The following TOR1B variants were observed in gnomAD, a reference collection of about 807,000 sequenced individuals.
The protein encoded by TOR1B is torsin family 1 member B, also known as torsin-1B.
In TOR1B, 14 loss-of-function variants were observed where a neutral mutation model predicts 29.2. That is an observed-to-expected ratio of 0.48 (90% CI 0.32 to 0.75). The LOEUF is 0.75. Among genes scored for constraint, TOR1B ranks in the 30% least tolerant of loss-of-function variants. The probability of loss-of-function intolerance (pLI) is 0.04; values close to 1 mark genes in which losing one functional copy is unlikely to be tolerated. For missense variants in TOR1B, 400 were observed against 433.9 expected, an observed-to-expected ratio of 0.92 and a Z score of 0.69; for synonymous variants, 166 against 179.8, an observed-to-expected ratio of 0.92 and a Z score of 0.62.
chr9:129,803,543 G>C (rs2030292910), intron 1 of TOR1B, 132 bp downstream of exon 1: 1 of 1,077,140 alleles, frequency 9.3e-7, no homozygotes, highest in African/African-American at 1.7e-5. Context: ...TCCCAGCTGG[G>C]GTGGGCGGGG....
intron 2 of TOR1B, 144 bp downstream of exon 2, chr9:129,804,482 A>C (rs1331651492): frequency 2.9e-6 from 3 of 1,028,686 alleles, no homozygotes; most frequent in African/African-American, 1.6e-5. Flanking sequence ...TAGTCCAGGT[A>C]GTTACAAAGC....
intron 3 of TOR1B, among the ~76,000 whole-genome samples, chr9:129,807,928 T>A (rs2030602246): frequency 6.6e-6 from 1 of 151,894 alleles, no homozygotes; most frequent in Non-Finnish European, 1.5e-5. Flanking sequence ...TCCCAGCTCC[T>A]GGGGAAGTCG....
chr9:129,807,810 C>T (rs554683911), intron 3 of TOR1B, among the ~76,000 whole-genome samples: 2 of 150,582 alleles, frequency 1.3e-5, no homozygotes, highest in African/African-American at 2.4e-5. Flanking sequence ...CACACCACTG[C>T]ACTCCAGCCT....
At chr9:129,808,409 G>T (rs900662185) in intron 3 of TOR1B, among the ~76,000 whole-genome samples, 21 of 151,796 alleles carry the variant, frequency 1.4e-4, no homozygotes, top group Admixed American at 3.3e-4. Flanking sequence ...TGAGGCAGAA[G>T]AATCACTTGA....
rs573081703 is a variant in TOR1B, at chr9:129,809,601, G to A, written c.*18G>A. On this transcript the variant is annotated 3_prime_UTR_variant, in exon 5 of 5. Coordinates refer to ENST00000259339, the MANE Select transcript of TOR1B (RefSeq NM_014506.3). ...TCCACTGAGCTCCTATCCAGATGGG[G>A]TAGGAGACAGCTGGGAGGCTCCGCA... 14 of 1,613,690 alleles carry A rather than the reference G, an allele frequency of 8.7e-6. No individual in the cohort carries two copies. Among genetic ancestry groups the A allele is most frequent in the Middle Eastern group, 1.6e-4 (1 of 6,062 alleles).
At position 129,809,260 on chromosome 9, in the gene TOR1B, T is replaced by C. The variant is rs192991999; in HGVS notation, c.770-82T>C. 82 of 1,595,910 alleles carry C rather than the reference T, an allele frequency of 5.1e-5. No homozygotes were observed. In the East Asian group the frequency reaches 1.7e-3, roughly 33 times the overall value. On this transcript the variant is annotated intron_variant, in intron 4 of 4. Transcript: ENST00000259339. The stretch of plus-strand genomic sequence containing the variant: ...GAGACTCTCTCAAGGGGTACGGACA[T>C]GAGGAATGTGCTGAGGGTCGGGACT...
At chr9:129,803,438 C>A (rs772779058) in intron 1 of TOR1B, 27 bp downstream of exon 1, 96 of 1,251,864 alleles carry the variant, frequency 7.7e-5, no homozygotes, top group Non-Finnish European at 9.4e-5. Context: ...AGCTGTGGGT[C>A]GGCGCTGCGG....
intron 3 of TOR1B, among the ~76,000 whole-genome samples, chr9:129,807,706 C>T (rs141155939): frequency 0.041 from 6,230 of 151,848 alleles, 421 homozygotes; most frequent in African/African-American, 0.14. Flanking sequence ...ATTAGCCGGG[C>T]GTGGTGGCGG....
In TOR1B at chr9:129,809,367, C is replaced by G. The variant is rs748380748; in HGVS notation, c.795C>G (p.Ile265Met). Reference sequence around the variant, plus strand: ...GTGGCCTGTGGCACAGTGGACTGATCGACAAAAACCTCATTGATTACTTTA... The same window carrying G: ...GTGGCCTGTGGCACAGTGGACTGATGGACAAAAACCTCATTGATTACTTTA... ...KHSGLWHSGLIDKNLIDYFIP... is the reference protein window; with the variant it reads ...KHSGLWHSGLMDKNLIDYFIP... Residue 265 changes from isoleucine (I) to methionine (M), a missense_variant, in exon 5 of 5, where the codon ATC (isoleucine) becomes ATG (methionine). Coordinates refer to ENST00000259339, the MANE Select transcript of TOR1B (RefSeq NM_014506.3). 3 of 1,614,062 alleles carry G rather than the reference C, an allele frequency of 1.9e-6. No individual in the cohort carries two copies. The highest frequency in any genetic ancestry group is 3.3e-5 in the Admixed American group (2 of 60,024).
intron 3 of TOR1B, among the ~76,000 whole-genome samples, chr9:129,807,901 G>A (rs1159827499): frequency 3.3e-5 from 5 of 151,532 alleles, no homozygotes; most frequent in Non-Finnish European, 7.4e-5. Context: ...GCTGGGCATC[G>A]TGGCATGTGC....
intron 4 of TOR1B, 118 bp from the exon 5 acceptor site, chr9:129,809,224 C>A: frequency 6.5e-7 from 1 of 1,548,562 alleles, no homozygotes; most frequent in Non-Finnish European, 8.7e-7. Flanking sequence ...GGGCTTGTTG[C>A]ACACTGACAA....
In TOR1B at chr9:129,803,384, C is replaced by T; in HGVS notation, c.172C>T (p.Arg58Cys). Residue 58 changes from arginine (R) to cysteine (C), a missense_variant, in exon 1 of 5, where the codon CGC (arginine) becomes TGC (cysteine). Transcript: ENST00000259339. Reference sequence around the variant, plus strand: ...CTACTGCCGCTTCGCCGAGTGCTGCCGCGAGGAGCGGCCGCTCAACGCTTC... The same window carrying T: ...CTACTGCCGCTTCGCCGAGTGCTGCTGCGAGGAGCGGCCGCTCAACGCTTC... The part of the protein sequence containing the change: ...DIYCRFAECC[R>C]EERPLNASAL... 1 of 1,553,376 alleles carries T rather than the reference C, an allele frequency of 6.4e-7. No individual in the cohort carries two copies. The highest frequency in any genetic ancestry group is 8.7e-7 in the Non-Finnish European group (1 of 1,153,364).
At chr9:129,808,500 A>T (rs1380620535) in intron 3 of TOR1B, among the ~76,000 whole-genome samples, 1 of 151,816 alleles carries the variant, frequency 6.6e-6, no homozygotes, top group Non-Finnish European at 1.5e-5. Context: ...CAAAAGGAAA[A>T]ATAGACTTAG....
Position 129,809,866 on chromosome 9 carries a change from T to C in TOR1B, c.*283T>C. On this transcript the variant is annotated 3_prime_UTR_variant, in exon 5 of 5. Coordinates refer to ENST00000259339, the MANE Select transcript of TOR1B (RefSeq NM_014506.3). ...ACAGGCATGAGCCACTGTGCCCAGC[T>C]GGGATATAGAATCTAAGAGTTGATT... is the stretch of plus-strand genomic sequence containing the variant. 2 of 1,313,514 alleles carry C rather than the reference T, an allele frequency of 1.5e-6. No homozygotes were observed. The highest frequency in any genetic ancestry group is 2.0e-6 in the Non-Finnish European group (2 of 1,023,752). 81.4% of individuals were successfully genotyped at this position (1,313,514 alleles called of 1,614,324 possible). A position where few individuals can be genotyped will look rare whatever the true frequency, so the allele number is the denominator to read the frequency against.
At position 129,809,594 on chromosome 9, in the gene TOR1B, A is replaced by G; in HGVS notation, c.*11A>G. On this transcript the variant is annotated 3_prime_UTR_variant, in exon 5 of 5. Coordinates refer to ENST00000259339, the MANE Select transcript of TOR1B (RefSeq NM_014506.3). ...CTGGATTTCCACTGAGCTCCTATCC[A>G]GATGGGGTAGGAGACAGCTGGGAGG... 2 of 1,614,142 alleles carry G rather than the reference A, an allele frequency of 1.2e-6. No homozygotes were observed. Among genetic ancestry groups the G allele is most frequent in the Non-Finnish European group, 8.5e-7 (1 of 1,179,974 alleles).
At position 129,809,567 on chromosome 9, in the gene TOR1B, G is replaced by A; in HGVS notation, c.995G>A (p.Arg332Gln). 3 of 1,614,154 alleles carry A rather than the reference G, an allele frequency of 1.9e-6. No homozygotes were observed. Among genetic ancestry groups the A allele is most frequent in the East Asian group, 2.2e-5 (1 of 44,882 alleles). ...AAGGGCTGCAAGACTGTGCAGTCGC[G>A]GCTGGATTTCCACTGAGCTCCTATC... ...SDKGCKTVQS[R>Q]LDFH The change falls in exon 5 of 5, where the codon CGG becomes CAG. Residue 332 changes from arginine (R) to glutamine (Q), a missense_variant. Arg to Gln is a conservative substitution (Grantham distance 43). Transcript: ENST00000259339.
intron 2 of TOR1B, among the ~76,000 whole-genome samples, chr9:129,805,980 G>A (rs2030455211): frequency 1.3e-5 from 2 of 152,078 alleles, no homozygotes; most frequent in South Asian, 2.1e-4. Context: ...AATTAGCCAG[G>A]TGTAGTGGCA....
intron 3 of TOR1B, 96 bp downstream of exon 3, chr9:129,807,459 C>T (rs1434785841): frequency 1.1e-5 from 16 of 1,471,256 alleles, no homozygotes; most frequent in African/African-American, 5.6e-5. Flanking sequence ...TTTACCAGGA[C>T]GAAAGTGCCT....
chr9:129,805,221 A>G (rs1221176477), intron 2 of TOR1B, among the ~76,000 whole-genome samples: 3 of 151,602 alleles, frequency 2.0e-5, no homozygotes, highest in African/African-American at 7.3e-5. Flanking sequence ...GGGATCCGCC[A>G]AGGCGGGCGG....
Sources: allele counts gnomAD v4.1 joint callset (sites outside exome capture counted in the v4.1 genomes callset), GRCh38; gene constraint gnomAD v4.1.1; transcripts MANE v1.5; gene names NCBI Gene and HGNC (gene_info 2026-07-23, HGNC 2026-07-21).